TP63: variants seen among roughly 807,000 people sequenced by gnomAD.
TP63 encodes tumor protein p63.
A neutral mutation model predicts 82.8 loss-of-function variants in TP63; 17 were observed. The observed-to-expected ratio is 0.21, with a 90% confidence interval of 0.14 to 0.31. The LOEUF (loss-of-function observed/expected upper bound fraction) is 0.31, where lower values mean the gene tolerates loss of function less well. TP63 is among the 10% of genes least tolerant of loss of function. The probability of loss-of-function intolerance (pLI) is 1.00; values close to 1 mark genes in which losing one functional copy is unlikely to be tolerated. For missense variants in TP63, 648 were observed against 895.3 expected (o/e 0.72, Z 3.52); for synonymous variants, 330 against 321.7 (o/e 1.03, Z -0.28).
At chr3:189,819,019 A>C (rs1728501055) in intron 4 of TP63, among the ~76,000 whole-genome samples, 1 of 152,216 alleles carries the variant, frequency 6.6e-6, no homozygotes, top group African/African-American at 2.4e-5. Context: ...GATTTAGTGA[A>C]TAAAGCATTT....
intron 5 of TP63, among the ~76,000 whole-genome samples, chr3:189,865,068 C>T (rs1337936078): frequency 6.6e-6 from 1 of 152,014 alleles, no homozygotes; most frequent in African/African-American, 2.4e-5. Flanking sequence ...GGTAGCTATT[C>T]TACTTGGCCC....
At position 189,853,859 on chromosome 3, in the gene TP63, C is replaced by G. The variant is rs188975340; in HGVS notation, c.580-10373C>G. Reference sequence around the variant, plus strand: ...TACCTAGTAGTTAATTGTTCTATCTCTGTAATCCCATAACACTTGCAGATG... The same window carrying G: ...TACCTAGTAGTTAATTGTTCTATCTGTGTAATCCCATAACACTTGCAGATG... On this transcript the variant is annotated intron_variant, in intron 4 of 13. Coordinates refer to ENST00000264731, the MANE Select transcript of TP63 (RefSeq NM_003722.5). Among the ~76,000 whole-genome samples the G allele has an allele frequency of 1.6e-4, 25 of 152,296 alleles. No homozygotes were observed. The East Asian group carries it at 2.3e-3, about 14-fold the overall frequency.
chr3:189,612,758 C>A, the TP63 span, among the ~76,000 whole-genome samples: 1 of 152,144 alleles, frequency 6.6e-6, no homozygotes, highest in Non-Finnish European at 1.5e-5. Context: ...ACAATAAAGT[C>A]CACGCTGAGG....
At position 189,693,678 on chromosome 3, in the gene TP63, A is replaced by G. The variant is rs1268525932; in HGVS notation, c.63-44062A>G. Among the ~76,000 whole-genome samples, 6 of 152,338 alleles carry G rather than the reference A, an allele frequency of 3.9e-5. 1 individual carries two copies. In the East Asian group the frequency reaches 1.2e-3, roughly 29 times the overall value. On this transcript the variant is annotated intron_variant, in intron 1 of 13. Transcript: ENST00000264731. ...GGCCTTATGTTTTGCCTATTTGAAT[A>G]TATACGGCTATAGTAAAATGGAAAG...
intron 1 of TP63, among the ~76,000 whole-genome samples, chr3:189,640,601 C>T (rs907497378): frequency 2.6e-5 from 4 of 152,046 alleles, no homozygotes; most frequent in African/African-American, 9.7e-5. Context: ...AATGCACTAC[C>T]GAACCTCTTG....
chr3:189,711,601 C>A (rs981037618), intron 1 of TP63, among the ~76,000 whole-genome samples: 8 of 152,090 alleles, frequency 5.3e-5, no homozygotes, highest in Admixed American at 2.6e-4. Flanking sequence ...ATAGATAAAT[C>A]TGGAAGTACT....
At chr3:189,726,763 T>C (rs914277771) in intron 1 of TP63, among the ~76,000 whole-genome samples, 12 of 152,226 alleles carry the variant, frequency 7.9e-5, no homozygotes, top group African/African-American at 2.9e-4. Context: ...CCCACCTTTA[T>C]TTTGTACTCC....
intron 1 of TP63, among the ~76,000 whole-genome samples, chr3:189,649,805 A>T (rs1712738632): frequency 6.8e-6 from 1 of 146,862 alleles, no homozygotes; most frequent in African/African-American, 2.6e-5. Context: ...GTAAGATCAG[A>T]GTGGCTGGAA....
intron 1 of TP63, among the ~76,000 whole-genome samples, chr3:189,727,965 G>A (rs1267687631): frequency 1.3e-5 from 2 of 152,066 alleles, no homozygotes; most frequent in East Asian, 1.9e-4. Flanking sequence ...GAAATGGCTC[G>A]GAATATTAAC....
chr3:189,748,858 A>G (rs769117071), intron 3 of TP63, among the ~76,000 whole-genome samples: 5 of 152,154 alleles, frequency 3.3e-5, no homozygotes, highest in Non-Finnish European at 1.5e-5. Context: ...GAGACATAAT[A>G]GGAAATCCAA....
chr3:189,859,216 AC>A (rs890682295), intron 4 of TP63, among the ~76,000 whole-genome samples: 9 of 152,234 alleles, frequency 5.9e-5, no homozygotes, highest in African/African-American at 1.9e-4. Context: ...ATGTATCAAA[AC>A]ATCACATTTT....
chr3:189,732,224 AAC>A (rs149174042), intron 1 of TP63, among the ~76,000 whole-genome samples: 4,198 of 152,188 alleles, frequency 0.028, 119 homozygotes, highest in East Asian at 0.14. Flanking sequence ...GATATCTGGA[AAC>A]ACAAGCTGAA....
intron 5 of TP63, among the ~76,000 whole-genome samples, chr3:189,866,179 A>G (rs1717698837): frequency 6.6e-6 from 1 of 152,156 alleles, no homozygotes. Context: ...TCTTATCTTT[A>G]TAATCAACAC....
At chr3:189,729,962 A>G (rs1720043078) in intron 1 of TP63, among the ~76,000 whole-genome samples, 1 of 152,198 alleles carries the variant, frequency 6.6e-6, no homozygotes, top group Admixed American at 6.5e-5. Flanking sequence ...GGCAGGGTAA[A>G]TTCTAAGTAT....
rs139214456 is a variant in TP63, at chr3:189,834,834, T to C, written c.579+26308T>C. On this transcript the variant is annotated intron_variant, in intron 4 of 13. Transcript: ENST00000264731. ...GTTTTTTGGAAAAAGCAATTATATA[T>C]GTTTTGATATTTTGTTGAAACATAA... 4.8e-3 allele frequency among the ~76,000 whole-genome samples: 737 copies of C among 152,246 alleles called. 8 individuals are homozygous for C. Among genetic ancestry groups the C allele is most frequent in the African/African-American group, 0.017 (704 of 41,558 alleles).
intron 6 of TP63, 60 bp downstream of exon 6, chr3:189,866,857 G>A (rs1265015787): frequency 4.4e-6 from 6 of 1,353,684 alleles, no homozygotes; most frequent in Non-Finnish European, 6.4e-6. Flanking sequence ...AGACTTGAGA[G>A]AACATCTGTT....
chr3:189,629,289 C>G (rs1426103041), upstream of TP63, among the ~76,000 whole-genome samples: 1 of 152,088 alleles, frequency 6.6e-6, no homozygotes, highest in African/African-American at 2.4e-5. Context: ...GAAGCTGAGG[C>G]AGAAGGATCA....
At chr3:189,796,245 A>G (rs114295740) in intron 3 of TP63, among the ~76,000 whole-genome samples, 167 of 152,186 alleles carry the variant, frequency 1.1e-3, no homozygotes, top group African/African-American at 3.6e-3. Flanking sequence ...AAATTTTTAA[A>G]TTTGACTTTG....
chr3:189,735,579 G>A (rs1720519629), intron 1 of TP63, among the ~76,000 whole-genome samples: 1 of 152,026 alleles, frequency 6.6e-6, no homozygotes, highest in South Asian at 2.1e-4. Context: ...ATCTGATTTA[G>A]CCTTTTTACT....
Sources: allele counts gnomAD v4.1 joint callset (sites outside exome capture counted in the v4.1 genomes callset), GRCh38; gene constraint gnomAD v4.1.1; transcripts MANE v1.5; gene names NCBI Gene and HGNC (gene_info 2026-07-23, HGNC 2026-07-21).